LRRTM4: variants seen among roughly 807,000 people sequenced by gnomAD.
The protein encoded by LRRTM4 is leucine rich repeat transmembrane neuronal 4.
Under a neutral mutation model 47.6 loss-of-function variants are expected in LRRTM4, and 25 were observed. The observed-to-expected ratio is 0.53, with a 90% CI of 0.38 to 0.73. The LOEUF is 0.73. Ranked by LOEUF, LRRTM4 falls within the 30% of genes least tolerant of loss-of-function variation. The pLI is 0.00. For missense variants in LRRTM4, 638 were observed against 713.4 expected (o/e 0.89, Z 1.20); for synonymous variants, 311 against 269.5 (o/e 1.15, Z -1.51).
chr2:76,777,645 T>G (rs1267556492), intron 3 of LRRTM4, among the ~76,000 whole-genome samples: 1 of 150,990 alleles, frequency 6.6e-6, no homozygotes, highest in Non-Finnish European at 1.5e-5. Flanking sequence ...CTTATCAGCT[T>G]AAGGAGATTA....
At position 76,968,369 on chromosome 2, in the gene LRRTM4, TATATATATATATATAC is replaced by T. The variant is rs1295280907; in HGVS notation, c.1552-219469_1552-219454del. Among the ~76,000 whole-genome samples, 207 of 131,662 alleles carry T rather than the reference TATATATATATATATAC, an allele frequency of 1.6e-3. 2 individuals are homozygous for T. The highest frequency in any genetic ancestry group is 5.9e-3 in the African/African-American group (200 of 33,724). The allele number at this position is 131,662 out of a possible 152,430, so 86.4% of individuals were successfully genotyped here. On this transcript the variant is annotated intron_variant, in intron 3 of 3. Coordinates refer to ENST00000409884, the MANE Select transcript of LRRTM4 (RefSeq NM_001134745.3). Reference sequence around the variant, plus strand: ...ATATATATATATATATATATATATATATATATATATATATACACATACATACATACATATATATGTA... The same window carrying T: ...ATATATATATATATATATATATATATACATACATACATACATATATATGTA...
intron 3 of LRRTM4, among the ~76,000 whole-genome samples, chr2:77,168,983 A>C (rs1426139031): frequency 6.6e-6 from 1 of 152,164 alleles, no homozygotes; most frequent in Non-Finnish European, 1.5e-5. Flanking sequence ...AAAACCATAT[A>C]ATCATTTTAA....
intron 3 of LRRTM4, among the ~76,000 whole-genome samples, chr2:76,889,775 T>G (rs1439203013): frequency 1.3e-5 from 2 of 151,810 alleles, no homozygotes. Context: ...TTTTGTAGTT[T>G]TTTCATATAG....
intron 3 of LRRTM4, among the ~76,000 whole-genome samples, chr2:77,411,844 A>G (rs900105490): frequency 6.6e-6 from 1 of 152,028 alleles, no homozygotes; most frequent in Non-Finnish European, 1.5e-5. Context: ...AATTTAAAAA[A>G]GGCAGTTTGC....
At chr2:77,338,344 A>G (rs1339679587) in intron 3 of LRRTM4, among the ~76,000 whole-genome samples, 1 of 152,134 alleles carries the variant, frequency 6.6e-6, no homozygotes, top group Non-Finnish European at 1.5e-5. Context: ...TATGCATCCA[A>G]TGAAGGACTA....
intron 3 of LRRTM4, among the ~76,000 whole-genome samples, chr2:77,192,354 A>G (rs1168810780): frequency 1.3e-5 from 2 of 152,036 alleles, no homozygotes; most frequent in East Asian, 1.9e-4. Flanking sequence ...TTTGAATTTT[A>G]CCATAATGAG....
At chr2:77,011,268 C>T (rs1677862221) in intron 3 of LRRTM4, among the ~76,000 whole-genome samples, 1 of 152,078 alleles carries the variant, frequency 6.6e-6, no homozygotes, top group Non-Finnish European at 1.5e-5. Context: ...TTCTTGTTTT[C>T]ACACTAAATT....
At chr2:76,916,798 A>C (rs906597279) in intron 3 of LRRTM4, among the ~76,000 whole-genome samples, 2 of 152,228 alleles carry the variant, frequency 1.3e-5, no homozygotes, top group Non-Finnish European at 2.9e-5. Flanking sequence ...ACTATCTTTA[A>C]TATCTCACTT....
intron 1 of LRRTM4, 99 bp from the exon 2 acceptor site, chr2:77,521,917 T>TG (rs1488239997): frequency 5.2e-5 from 23 of 443,510 alleles, no homozygotes; most frequent in Middle Eastern, 4.3e-4. Flanking sequence ...GGGATGGTTG[T>TG]GGGGGCAGGG....
At position 77,142,788 on chromosome 2, in the gene LRRTM4, T is replaced by G. The variant is rs144080609; in HGVS notation, c.1551+375530A>C. Among the ~76,000 whole-genome samples, 812 of 152,310 alleles carry G rather than the reference T, an allele frequency of 5.3e-3. 10 individuals are homozygous for G. The highest frequency in any genetic ancestry group is 0.019 in the African/African-American group (779 of 41,576). On this transcript the variant is annotated intron_variant, in intron 3 of 3. Transcript: ENST00000409884. ...TCAAATATATTCTCCAATCTGATTC[T>G]CATAACACGTAATCTCTAAAGATTG...
At chr2:77,366,116 C>T (rs1573317907) in intron 3 of LRRTM4, among the ~76,000 whole-genome samples, 1 of 151,374 alleles carries the variant, frequency 6.6e-6, no homozygotes, top group African/African-American at 2.4e-5. Context: ...TCATAGACAA[C>T]TTTATTAGAA....
chr2:76,965,618 A>C (rs570126625), intron 3 of LRRTM4, among the ~76,000 whole-genome samples: 36 of 151,420 alleles, frequency 2.4e-4, no homozygotes, highest in African/African-American at 7.5e-4. Context: ...TAAAAAAAAC[A>C]GTATTCAAAA....
chr2:77,476,982 GTGTGTGTGTGTGTGTA>G lies in LRRTM4; in HGVS notation c.1551+41320_1551+41335del, dbSNP rs987443185. Among the ~76,000 whole-genome samples the G allele has an allele frequency of 4.8e-4, 72 of 151,420 alleles. 1 individual carries two copies. In the East Asian group the frequency reaches 8.5e-3, roughly 18 times the overall value. Reference sequence around the variant, plus strand: ...GTAAGAGATGTGTGTGTGTGTGTGTGTGTGTGTGTGTGTGTATGTGTGTACTTTTATGCCATAAATG... The same window carrying G: ...GTAAGAGATGTGTGTGTGTGTGTGTGTGTGTGTACTTTTATGCCATAAATG... On this transcript the variant is annotated intron_variant, in intron 3 of 3. Transcript: ENST00000409884.
chr2:77,234,615 T>C (rs770846878), intron 3 of LRRTM4, among the ~76,000 whole-genome samples: 4 of 152,222 alleles, frequency 2.6e-5, no homozygotes, highest in African/African-American at 7.2e-5. Context: ...ATTAGAGCAA[T>C]GACTGATTTA....
chr2:77,467,597 C>T (rs1389705066), intron 3 of LRRTM4, among the ~76,000 whole-genome samples: 6 of 152,170 alleles, frequency 3.9e-5, no homozygotes, highest in Non-Finnish European at 5.9e-5. Context: ...ATCTTTTAAG[C>T]ATACGCTAAG....
chr2:77,003,556 G>A (rs1411037238), intron 3 of LRRTM4, among the ~76,000 whole-genome samples: 1 of 152,168 alleles, frequency 6.6e-6, no homozygotes, highest in Non-Finnish European at 1.5e-5. Flanking sequence ...CATGTAAGAT[G>A]TGACTTTGAT....
rs563845641 is a variant in LRRTM4 at position 77,101,280 on chromosome 2, C to T, written c.1552-352364G>A. Among the ~76,000 whole-genome samples the T allele has an allele frequency of 2.6e-5, 4 of 152,062 alleles. 1 individual carries two copies. In the South Asian group the frequency reaches 6.2e-4, roughly 24 times the overall value. The stretch of plus-strand genomic sequence containing the variant: ...GGTAAATAAAGCATTTGCTTTAAAA[C>T]GAAAGACATGCATATATATCTCCTT... On this transcript the variant is annotated intron_variant, in intron 3 of 3. Transcript: ENST00000409884.
intron 3 of LRRTM4, among the ~76,000 whole-genome samples, chr2:77,024,854 A>G (rs146615970): frequency 6.9e-4 from 105 of 152,146 alleles, no homozygotes; most frequent in African/African-American, 2.4e-3. Flanking sequence ...TGGAAAGCCA[A>G]TAAGGATTAT....
At chr2:76,874,623 G>T (rs1304369361) in intron 3 of LRRTM4, among the ~76,000 whole-genome samples, 1 of 151,564 alleles carries the variant, frequency 6.6e-6, no homozygotes, top group Non-Finnish European at 1.5e-5. Context: ...TTTTTTTTTA[G>T]GCATTGATCA....
Sources: allele counts gnomAD v4.1 joint callset (sites outside exome capture counted in the v4.1 genomes callset), GRCh38; gene constraint gnomAD v4.1.1; transcripts MANE v1.5; gene names NCBI Gene and HGNC (gene_info 2026-07-23, HGNC 2026-07-21).